MDGA2: variants seen among roughly 807,000 people sequenced by gnomAD.
The protein encoded by MDGA2 is MAM domain containing glycosylphosphatidylinositol anchor 2.
In MDGA2, 40 loss-of-function variants were observed where a neutral mutation model predicts 117.8. The observed-to-expected ratio is 0.34, with a 90% CI of 0.26 to 0.44. The LOEUF (loss-of-function observed/expected upper bound fraction) is 0.44. Ranked by LOEUF, MDGA2 falls within the 20% of genes least tolerant of loss-of-function variation. The pLI is 1.00. For synonymous variants in MDGA2, 452 were observed against 439.0 expected (o/e 1.03, Z -0.37); for missense variants, 1,123 against 1,250.6 (o/e 0.90, Z 1.54).
chr14:47,294,190 G>T (rs530899043), intron 2 of MDGA2, among the ~76,000 whole-genome samples: 5 of 149,058 alleles, frequency 3.4e-5, no homozygotes, highest in African/African-American at 1.2e-4. Context: ...GACCTCCCCA[G>T]GCTCAAGCAA....
At chr14:46,899,329 G>C (rs533905199) in intron 10 of MDGA2, among the ~76,000 whole-genome samples, 148 of 152,012 alleles carry the variant, frequency 9.7e-4, no homozygotes, top group Non-Finnish European at 1.8e-3. Context: ...ATTTCCCTGA[G>C]AGTTATGATA....
intron 1 of MDGA2, among the ~76,000 whole-genome samples, chr14:47,592,582 T>C (rs35639736): frequency 0.25 from 38,319 of 151,816 alleles, 5,668 homozygotes; most frequent in Non-Finnish European, 0.34. Context: ...AGTAAGACTA[T>C]ACATCTACAA....
At chr14:47,374,986 G>C (rs529334153) in intron 1 of MDGA2, among the ~76,000 whole-genome samples, 16 of 151,908 alleles carry the variant, frequency 1.1e-4, no homozygotes, top group African/African-American at 3.1e-4. Context: ...AGTGGTAAGA[G>C]CTTTAATTTT....
At chr14:47,172,070 G>A (rs776672655) in intron 3 of MDGA2, among the ~76,000 whole-genome samples, 1 of 152,140 alleles carries the variant, frequency 6.6e-6, no homozygotes, top group African/African-American at 2.4e-5. Context: ...AGATCAAACT[G>A]CAAGGTGGCA....
At position 47,141,630 on chromosome 14, in the gene MDGA2, A is replaced by C. The variant is rs183852021; in HGVS notation, c.792+2448T>G. Among the ~76,000 whole-genome samples the C allele has an allele frequency of 1.2e-4, 19 of 152,284 alleles. No individual in the cohort carries two copies. The East Asian group carries it at 3.5e-3, about 28-fold the overall frequency. On this transcript the variant is annotated intron_variant, in intron 4 of 16. Coordinates refer to ENST00000399232, the MANE Select transcript of MDGA2 (RefSeq NM_001113498.3). ...AAAATAATTAAGGTACAGAAAGACA[A>C]ATACTATATTATCTACTCATGTGTG...
In MDGA2 at chr14:47,383,592, G is replaced by A. The variant is rs140849147; in HGVS notation, c.281-82042C>T. 1.9e-3 allele frequency among the ~76,000 whole-genome samples: 293 copies of A among 152,194 alleles called. 1 individual carries two copies. Among genetic ancestry groups the A allele is most frequent in the Non-Finnish European group, 3.2e-3 (217 of 68,008 alleles). ...CTCACTTTCTCGCCCAGGCTGGAGT[G>A]CAGTGGCATGATCTCAGCTCAGTGC... On this transcript the variant is annotated intron_variant, in intron 1 of 16. Transcript: ENST00000399232.
At chr14:47,490,474 A>T (rs1594883824) in intron 1 of MDGA2, among the ~76,000 whole-genome samples, 1 of 152,208 alleles carries the variant, frequency 6.6e-6, no homozygotes, top group East Asian at 1.9e-4. Context: ...TCATTTAATA[A>T]CTCTTTGAGG....
chr14:47,075,205 C>T (rs1890446806), intron 6 of MDGA2, among the ~76,000 whole-genome samples: 1 of 152,150 alleles, frequency 6.6e-6, no homozygotes, highest in Non-Finnish European at 1.5e-5. Flanking sequence ...TGTAATGAGT[C>T]TGAAGAATTG....
At chr14:47,570,854 T>C in intron 1 of MDGA2, among the ~76,000 whole-genome samples, 1 of 152,106 alleles carries the variant, frequency 6.6e-6, no homozygotes, top group East Asian at 1.9e-4. Context: ...AGGCAAAGAC[T>C]TCATGACTAA....
In MDGA2 at chr14:47,061,534, T is replaced by C. The variant is rs1282750989; in HGVS notation, c.1240A>G (p.Lys414Glu). Reference protein sequence around the residue: ...RFWITPDPYHKDDNIQIGREV... With the variant: ...RFWITPDPYHEDDNIQIGREV... Reference sequence around the variant, plus strand: ...CGGCCAATCTGGATGTTGTCATCTTTGTGATAAGGATCTGGTGTGATCCAA... The same window carrying C: ...CGGCCAATCTGGATGTTGTCATCTTCGTGATAAGGATCTGGTGTGATCCAA... Residue 414 changes from lysine to glutamate, a missense_variant, in exon 7 of 17, where the codon AAA becomes GAA. Physicochemically the swap from Lys to Glu is moderately conservative, Grantham distance 56 (BLOSUM62 1). This residue lies in a region of MDGA2 where 890 missense variants were observed against 1,050.3 expected (regional missense o/e 0.85). Transcript: ENST00000399232. The C allele has an allele frequency of 1.9e-6, 3 of 1,613,288 alleles. No homozygotes were observed. Among genetic ancestry groups the C allele is most frequent in the Non-Finnish European group, 2.5e-6 (3 of 1,179,502 alleles).
intron 8 of MDGA2, chr14:46,996,999 CA>C: frequency 3.3e-5 from 12 of 364,670 alleles, no homozygotes; most frequent in South Asian, 7.9e-5. Flanking sequence ...TTACAGTGGC[CA>C]AAAACTAGGT....
At chr14:47,560,097 T>G (rs1273760856) in intron 1 of MDGA2, among the ~76,000 whole-genome samples, 1 of 151,714 alleles carries the variant, frequency 6.6e-6, no homozygotes, top group Non-Finnish European at 1.5e-5. Flanking sequence ...AGACGGAGTC[T>G]CGTTCTGTCG....
intron 1 of MDGA2, among the ~76,000 whole-genome samples, chr14:47,524,549 A>C (rs1161217458): frequency 6.6e-6 from 1 of 152,212 alleles, no homozygotes; most frequent in Non-Finnish European, 1.5e-5. Flanking sequence ...GTTTTGTTCA[A>C]TATATGACAA....
At chr14:47,227,244 C>A (rs1886537852) in intron 2 of MDGA2, among the ~76,000 whole-genome samples, 4 of 152,030 alleles carry the variant, frequency 2.6e-5, no homozygotes, top group Admixed American at 2.6e-4. Flanking sequence ...AGAGGGAAAG[C>A]CTGGGAAATC....
At chr14:46,952,029 A>T (rs1371770725) in intron 9 of MDGA2, among the ~76,000 whole-genome samples, 1 of 151,960 alleles carries the variant, frequency 6.6e-6, no homozygotes, top group Admixed American at 6.6e-5. Context: ...AAAAAGGGAT[A>T]CAATAGTAAT....
chr14:47,609,854 C>T (rs964143019), intron 1 of MDGA2, among the ~76,000 whole-genome samples: 3 of 151,944 alleles, frequency 2.0e-5, no homozygotes, highest in Non-Finnish European at 2.9e-5. Context: ...GGAACCCTCC[C>T]TAATTCATTC....
chr14:47,165,232 C>G (rs1169232666), intron 3 of MDGA2, among the ~76,000 whole-genome samples: 2 of 151,996 alleles, frequency 1.3e-5, no homozygotes, highest in African/African-American at 4.8e-5. Flanking sequence ...CACATGTACC[C>G]TAGTACTTAA....
At chr14:47,431,544 C>A (rs1326136830) in intron 1 of MDGA2, among the ~76,000 whole-genome samples, 3 of 151,988 alleles carry the variant, frequency 2.0e-5, no homozygotes, top group Non-Finnish European at 4.4e-5. Context: ...AAAAGCAGAA[C>A]ACTTACAAGA....
At chr14:47,368,845 T>G (rs957989714) in intron 1 of MDGA2, among the ~76,000 whole-genome samples, 9 of 152,138 alleles carry the variant, frequency 5.9e-5, no homozygotes, top group Non-Finnish European at 1.2e-4. Flanking sequence ...CTTTCTGACT[T>G]TAAAAAATTT....
Sources: allele counts gnomAD v4.1 joint callset (sites outside exome capture counted in the v4.1 genomes callset), GRCh38; gene constraint gnomAD v4.1.1; regional missense constraint gnomAD v4.1.1; transcripts MANE v1.5; gene names NCBI Gene and HGNC (gene_info 2026-07-23, HGNC 2026-07-21).